Variants in LHFPL4 observed in about 807,000 individuals in gnomAD.
LHFPL4 encodes the protein LHFPL tetraspan subfamily member 4.
Under a neutral mutation model 20.0 loss-of-function variants are expected in LHFPL4, and 6 were observed. That is an observed-to-expected ratio of 0.30 (90% CI 0.16 to 0.59). LHFPL4 has a LOEUF of 0.59. Among genes scored for constraint, LHFPL4 ranks in the 20% least tolerant of loss-of-function variants. The pLI is 0.88. For synonymous variants in LHFPL4, 129 were observed against 143.8 expected (o/e 0.90, Z 0.74); for missense variants, 215 against 331.2 (o/e 0.65, Z 2.72).
rs73026978 is a variant in LHFPL4, at chr3:9,500,221, C to A, written c.*1990G>T. ...TCCTAACTCTGCTCTCCCCCTCCAA[C>A]GCTGGGCTTGGTTTGCATCTTTGAG... On this transcript the variant is annotated 3_prime_UTR_variant, in exon 4 of 4. Transcript: ENST00000287585. 1,526 of 152,652 alleles carry A rather than the reference C, an allele frequency of 1.0e-2. 14 individuals carry two copies. Among genetic ancestry groups the A allele is most frequent in the Non-Finnish European group, 0.015 (1,016 of 68,220 alleles). 9.5% of individuals were successfully genotyped at this position (152,652 alleles called of 1,614,324 possible). A position where few individuals can be genotyped will look rare whatever the true frequency, so the allele number is the denominator to read the frequency against.
intron 2 of LHFPL4, among the ~76,000 whole-genome samples, chr3:9,539,491 T>C (rs1271097428): frequency 1.3e-5 from 2 of 150,724 alleles, no homozygotes; most frequent in Admixed American, 6.6e-5. Context: ...TCAACCCTTG[T>C]CCTCCTGATA....
chr3:9,502,864 T>A (rs2046187180), intron 3 of LHFPL4, among the ~76,000 whole-genome samples: 1 of 152,110 alleles, frequency 6.6e-6, no homozygotes, highest in African/African-American at 2.4e-5. Context: ...CCTCACAGGG[T>A]AATTCCGAAG....
At chr3:9,542,173 C>A (rs972508951) in intron 2 of LHFPL4, among the ~76,000 whole-genome samples, 2 of 152,138 alleles carry the variant, frequency 1.3e-5, no homozygotes, top group African/African-American at 4.8e-5. Flanking sequence ...GTAATCCCAG[C>A]TACTTGGGAG....
chr3:9,523,985 C>CG (rs1355766651), intron 2 of LHFPL4, among the ~76,000 whole-genome samples: 5 of 95,636 alleles, frequency 5.2e-5, no homozygotes, highest in African/African-American at 1.4e-4. Flanking sequence ...CTAGTATTTC[C>CG]CCCCCCCCCA....
At chr3:9,514,516 AAGATCAT>A (rs1259584437) in intron 2 of LHFPL4, among the ~76,000 whole-genome samples, 1 of 152,170 alleles carries the variant, frequency 6.6e-6, no homozygotes, top group Non-Finnish European at 1.5e-5. Flanking sequence ...TTATCACCCA[AAGATCAT>A]AGCTCACATT....
At position 9,502,163 on chromosome 3, in the gene LHFPL4, C is replaced by G. The variant is rs1306783923; in HGVS notation, c.*48G>C. ...AATGGAGTGACGAGAGGGCAGAAGG[C>G]AGGACAAGCTGAGGTCAGGCCAATT... On this transcript the variant is annotated 3_prime_UTR_variant, in exon 4 of 4. Coordinates refer to ENST00000287585, the MANE Select transcript of LHFPL4 (RefSeq NM_198560.3). 1 of 1,352,914 alleles carries G rather than the reference C, an allele frequency of 7.4e-7. No individual in the cohort carries two copies. The highest frequency in any genetic ancestry group is 2.3e-5 in the East Asian group (1 of 43,594). 83.8% of individuals were successfully genotyped at this position (1,352,914 alleles called of 1,614,324 possible).
At chr3:9,524,934 C>T (rs547485343) in intron 2 of LHFPL4, among the ~76,000 whole-genome samples, 9 of 152,276 alleles carry the variant, frequency 5.9e-5, no homozygotes, top group East Asian at 3.9e-4. Flanking sequence ...AAGAGGTCTC[C>T]GTCTTTTAGT....
Position 9,518,386 on chromosome 3 carries a change from C to T in LHFPL4, c.407-12183G>A, listed in dbSNP as rs148441783. On this transcript the variant is annotated intron_variant, in intron 2 of 3. Coordinates refer to ENST00000287585, the MANE Select transcript of LHFPL4 (RefSeq NM_198560.3). ...GGTTATTTTTCCTTGTAATGTCTTT[C>T]TCTAGTTATAGTATTAGTGTAATGC... Among the ~76,000 whole-genome samples the T allele has an allele frequency of 1.9e-3, 296 of 152,162 alleles. 2 individuals are homozygous for T. Among genetic ancestry groups the T allele is most frequent in the Middle Eastern group, 6.8e-3 (2 of 294 alleles).
intron 2 of LHFPL4, among the ~76,000 whole-genome samples, chr3:9,514,900 C>T (rs571427410): frequency 5.3e-5 from 8 of 152,278 alleles, no homozygotes; most frequent in African/African-American, 1.7e-4. Flanking sequence ...TATACATTCA[C>T]CTACTGAAGA....
chr3:9,514,915 CTT>C (rs2046288206), intron 2 of LHFPL4, among the ~76,000 whole-genome samples: 1 of 152,150 alleles, frequency 6.6e-6, no homozygotes, highest in Non-Finnish European at 1.5e-5. Flanking sequence ...TGAAGAATAT[CTT>C]GTTTGCTTCC....
chr3:9,551,947 CCTCA>C (rs2046557676), intron 2 of LHFPL4, among the ~76,000 whole-genome samples: 1 of 151,982 alleles, frequency 6.6e-6, no homozygotes, highest in Admixed American at 6.6e-5. Context: ...TACAGTAACC[CCTCA>C]CTCAGATAAA....
chr3:9,542,548 T>G (rs1390685342), intron 2 of LHFPL4, among the ~76,000 whole-genome samples: 1 of 152,148 alleles, frequency 6.6e-6, no homozygotes, highest in Non-Finnish European at 1.5e-5. Context: ...GGCTCACACC[T>G]GTAATCCCAT....
At chr3:9,539,030 G>A (rs1411564002) in intron 2 of LHFPL4, among the ~76,000 whole-genome samples, 1 of 152,080 alleles carries the variant, frequency 6.6e-6, no homozygotes, top group East Asian at 1.9e-4. Flanking sequence ...ACTAAACTGT[G>A]CTGCCTCCAA....
chr3:9,550,918 C>G (rs1001007021), intron 2 of LHFPL4: 1 of 152,216 alleles, frequency 6.6e-6, no homozygotes, highest in African/African-American at 2.4e-5. Context: ...TAAAAGTCCT[C>G]TTGTGGAAAC....
In LHFPL4 at chr3:9,544,624, C is replaced by A. The variant is rs141774493; in HGVS notation, c.406+7650G>T. 2.4e-3 allele frequency among the ~76,000 whole-genome samples: 363 copies of A among 152,182 alleles called. 1 individual carries two copies. The highest frequency in any genetic ancestry group is 8.3e-3 in the African/African-American group (346 of 41,528). On this transcript the variant is annotated intron_variant, in intron 2 of 3. Coordinates refer to ENST00000287585, the MANE Select transcript of LHFPL4 (RefSeq NM_198560.3). ...CAGGCCATAGAGTGAGACTCTATCT[C>A]AAAACAAACAAACAAACAAACAAAA...
chr3:9,542,485 A>G (rs1188867788), intron 2 of LHFPL4, among the ~76,000 whole-genome samples: 1 of 152,152 alleles, frequency 6.6e-6, no homozygotes, highest in African/African-American at 2.4e-5. Context: ...TGAAAATGTT[A>G]TGCTAAGTGA....
rs575246923 is a variant in LHFPL4 at position 9,552,563 on chromosome 3, C to T, written c.117G>A (p.Val39=). The T allele has an allele frequency of 1.6e-5, 26 of 1,613,878 alleles. No homozygotes were observed. Among genetic ancestry groups the T allele is most frequent in the Admixed American group, 1.7e-5 (1 of 60,004 alleles). ...CCACCCAGTAGGGCTGGATGAAGAC[C>T]ACCACGTTGATGATGGCGAAGCAGA... is the stretch of plus-strand genomic sequence containing the variant. The part of the protein sequence containing the change: ...FTICFAIINV[V]VFIQPYWVGD... The change falls in exon 2 of 4, where the codon GTG becomes GTA. Residue 39 remains valine (V), a synonymous_variant. Transcript: ENST00000287585.
intron 3 of LHFPL4, 32 bp downstream of exon 3, chr3:9,505,935 C>T (rs555040340): frequency 8.3e-5 from 133 of 1,594,052 alleles, no homozygotes; most frequent in Admixed American, 3.3e-5. Flanking sequence ...GCCTGGCTCC[C>T]GCCGCTGCCC....
In LHFPL4 at chr3:9,533,504, C is replaced by T. The variant is rs184830923; in HGVS notation, c.406+18770G>A. 7.0e-4 allele frequency among the ~76,000 whole-genome samples: 106 copies of T among 152,276 alleles called. 1 individual carries two copies. The highest frequency in any genetic ancestry group is 3.9e-3 in the South Asian group (19 of 4,824). On this transcript the variant is annotated intron_variant, in intron 2 of 3. Transcript: ENST00000287585. ...CAGTCTATAGGATTAAAAGTCAGGC[C>T]GGGTGCGGTGGCTCACGCCTGTAAT... is the stretch of plus-strand genomic sequence containing the variant.
Sources: allele counts gnomAD v4.1 joint callset (sites outside exome capture counted in the v4.1 genomes callset), GRCh38; gene constraint gnomAD v4.1.1; transcripts MANE v1.5; gene names NCBI Gene and HGNC (gene_info 2026-07-23, HGNC 2026-07-21).